Variants in MLLT10 observed in about 807,000 individuals in gnomAD.
The protein encoded by MLLT10 is protein AF-10.
Under a neutral mutation model 129.1 loss-of-function variants are expected in MLLT10, and 30 were observed. The observed-to-expected ratio is 0.23, with a 90% CI of 0.17 to 0.32. The LOEUF is 0.32. MLLT10 is among the 10% of genes least tolerant of loss of function. MLLT10 has a pLI of 1.00. For synonymous variants in MLLT10, 490 were observed against 446.4 expected, an observed-to-expected ratio of 1.10 and a Z score of -1.23; for missense variants, 1,119 against 1,268.3, an observed-to-expected ratio of 0.88 and a Z score of 1.79.
intron 22 of MLLT10, 27 bp from the exon 23 acceptor site, chr10:21,741,912 C>T (rs376356883): frequency 2.4e-5 from 39 of 1,601,936 alleles, no homozygotes; most frequent in Non-Finnish European, 3.0e-5. Flanking sequence ...ATTTAGCTAA[C>T]GCATCTGCTC....
Position 21,534,666 on chromosome 10 carries a change from G to A in MLLT10, c.22G>A (p.Val8Met), listed in dbSNP as rs202033913. The change falls in exon 2 of 23, where the codon GTG (valine) becomes ATG (methionine). Residue 8 changes from valine (V) to methionine (M), a missense_variant. Physicochemically the swap from Val to Met is conservative, Grantham distance 21. Coordinates refer to ENST00000307729, the MANE Select transcript of MLLT10 (RefSeq NM_001195626.3). MVSSDRP[V>M]SLEDEVSHSM... is the part of the protein sequence containing the mutation. ...TTAGATGGTCTCTAGCGACCGGCCC[G>A]TGTCACTGGAGGACGAGGTCTCCCA... 12 of 1,611,898 alleles carry A rather than the reference G, an allele frequency of 7.4e-6. No individual in the cohort carries two copies. Among genetic ancestry groups the A allele is most frequent in the Middle Eastern group, 3.3e-4 (2 of 6,062 alleles).
chr10:21,559,185 G>A (rs2038466816), intron 3 of MLLT10, among the ~76,000 whole-genome samples: 2 of 152,212 alleles, frequency 1.3e-5, no homozygotes. Flanking sequence ...CTGGATTCAA[G>A]TGATTCTCCT....
intron 9 of MLLT10, among the ~76,000 whole-genome samples, chr10:21,662,471 A>AT (rs2050310220): frequency 6.7e-6 from 1 of 150,306 alleles, no homozygotes; most frequent in Non-Finnish European, 1.5e-5. Flanking sequence ...AGCTTAAGAG[A>AT]TTTTTTTCTT....
intron 4 of MLLT10, among the ~76,000 whole-genome samples, chr10:21,593,099 A>ATTTTTTTT (rs34081128): frequency 2.7e-5 from 4 of 146,016 alleles, no homozygotes; most frequent in African/African-American, 5.0e-5. Flanking sequence ...CCACCCATTG[A>ATTTTTTTT]TTTTTTTTTT....
At chr10:21,599,726 GC>G (rs1284206961) in intron 5 of MLLT10, among the ~76,000 whole-genome samples, 2 of 151,952 alleles carry the variant, frequency 1.3e-5, no homozygotes, top group African/African-American at 2.4e-5. Context: ...ATCACACCCG[GC>G]TAAGTTTTTT....
intron 2 of MLLT10, among the ~76,000 whole-genome samples, chr10:21,536,932 G>A (rs1160218732): frequency 1.3e-5 from 2 of 151,596 alleles, no homozygotes; most frequent in African/African-American, 4.8e-5. Flanking sequence ...TGCAGGCATG[G>A]ACCACCATGC....
intron 21 of MLLT10, among the ~76,000 whole-genome samples, chr10:21,736,325 C>A (rs1351373460): frequency 1.3e-5 from 2 of 152,184 alleles, no homozygotes; most frequent in Non-Finnish European, 2.9e-5. Context: ...TGCTCTGTCG[C>A]CCAGGCTGGA....
Position 21,617,227 on chromosome 10 carries a change from C to T in MLLT10, c.699+20C>T, listed in dbSNP as rs539382785. ...AAAAAAGTAAGTGGATTTGTTGTTG[C>T]TAAATTTGTAGCACATCTACTTAAT... On this transcript the variant is annotated intron_variant, in intron 8 of 22. Coordinates refer to ENST00000307729, the MANE Select transcript of MLLT10 (RefSeq NM_001195626.3). 289 of 1,398,720 alleles carry T rather than the reference C, an allele frequency of 2.1e-4. 3 individuals carry two copies. The South Asian group carries it at 3.6e-3, about 17-fold the overall frequency. The allele number at this position is 1,398,720 out of a possible 1,614,324, so 86.6% of individuals were successfully genotyped here.
chr10:21,664,276 C>T (rs1287083260), intron 9 of MLLT10, among the ~76,000 whole-genome samples: 1 of 149,228 alleles, frequency 6.7e-6, no homozygotes, highest in African/African-American at 2.5e-5. Context: ...TCTTGTTAAA[C>T]ATTCTATGTA....
At chr10:21,676,023 C>T (rs1445828276) in intron 11 of MLLT10, among the ~76,000 whole-genome samples, 1 of 152,092 alleles carries the variant, frequency 6.6e-6, no homozygotes, top group African/African-American at 2.4e-5. Context: ...CTTACCTTAC[C>T]ATTAGGTAAA....
chr10:21,617,076 A>G (rs753485186), intron 7 of MLLT10, 36 bp from the exon 8 acceptor site: 9 of 1,002,530 alleles, frequency 9.0e-6, no homozygotes, highest in Admixed American at 5.7e-5. Flanking sequence ...AGTTTTATAT[A>G]CATATACATA....
chr10:21,708,989 A>T (rs991606368), intron 13 of MLLT10, among the ~76,000 whole-genome samples: 5 of 152,174 alleles, frequency 3.3e-5, no homozygotes, highest in African/African-American at 1.2e-4. Context: ...TAAGGTAGCC[A>T]TTATCTTTGT....
chr10:21,556,854 T>C (rs760031728), intron 3 of MLLT10: 1 of 1,551,940 alleles, frequency 6.4e-7, no homozygotes, highest in South Asian at 1.2e-5. Flanking sequence ...ATGTCCTTTC[T>C]AGTTTCCAGG....
At chr10:21,730,168 C>T (rs896643965) in intron 16 of MLLT10, among the ~76,000 whole-genome samples, 9 of 151,938 alleles carry the variant, frequency 5.9e-5, no homozygotes, top group Non-Finnish European at 1.3e-4. Flanking sequence ...AGTGTGTGCT[C>T]TTGTGGTCCC....
At chr10:21,636,284 G>A (rs902732325) in intron 8 of MLLT10, among the ~76,000 whole-genome samples, 1 of 151,940 alleles carries the variant, frequency 6.6e-6, no homozygotes, top group African/African-American at 2.4e-5. Flanking sequence ...CCGCTGCCTG[G>A]CTAAGTTTTT....
chr10:21,590,286 A>G (rs1724082809), intron 4 of MLLT10, among the ~76,000 whole-genome samples: 1 of 152,082 alleles, frequency 6.6e-6, no homozygotes, highest in Admixed American at 6.6e-5. Flanking sequence ...TATTTTTCCA[A>G]GAAATTTAAC....
chr10:21,664,732 C>A (rs987265311), intron 9 of MLLT10, among the ~76,000 whole-genome samples: 2 of 151,838 alleles, frequency 1.3e-5, no homozygotes, highest in African/African-American at 4.8e-5. Flanking sequence ...TTATTGTGAG[C>A]GGTGGGTATT....
chr10:21,717,253 CAAAAAAAAA>C (rs747244556), intron 14 of MLLT10, among the ~76,000 whole-genome samples: 1 of 63,558 alleles, frequency 1.6e-5, no homozygotes, highest in East Asian at 6.4e-4. Flanking sequence ...AACTCCGTCT[CAAAAAAAAA>C]AAAAAAAAAA....
chr10:21,643,780 AT>A (rs1042887532), intron 8 of MLLT10, among the ~76,000 whole-genome samples: 6 of 150,786 alleles, frequency 4.0e-5, no homozygotes, highest in Admixed American at 6.6e-5. Context: ...ATTGTTCAGA[AT>A]TTTTTTTTTC....
Sources: allele counts gnomAD v4.1 joint callset (sites outside exome capture counted in the v4.1 genomes callset), GRCh38; gene constraint gnomAD v4.1.1; transcripts MANE v1.5; gene names NCBI Gene and HGNC (gene_info 2026-07-23, HGNC 2026-07-21).